Variants in NPC1 observed in about 807,000 individuals in gnomAD.
NPC1 encodes NPC intracellular cholesterol transporter 1, also known as Niemann-Pick C1 protein.
Under a neutral mutation model 140.4 loss-of-function variants are expected in NPC1, and 85 were observed. The observed-to-expected ratio is 0.61, with a 90% CI of 0.51 to 0.72. The LOEUF (loss-of-function observed/expected upper bound fraction) is 0.72. NPC1 is among the 30% of genes least tolerant of loss of function. NPC1 has a pLI of 0.00. For synonymous variants in NPC1, 656 were observed against 624.8 expected (o/e 1.05, Z -0.74); for missense variants, 1,504 against 1,623.8 (o/e 0.93, Z 1.27).
intron 9 of NPC1, 86 bp from the exon 10 acceptor site, chr18:23,551,813 G>A (rs1301928567): frequency 8.8e-6 from 8 of 913,350 alleles, no homozygotes; most frequent in South Asian, 2.6e-5. Context: ...AACATTTGAT[G>A]AGGCTGGCTG....
At chr18:23,561,779 C>T (rs754206625) in intron 4 of NPC1, among the ~76,000 whole-genome samples, 3 of 152,144 alleles carry the variant, frequency 2.0e-5, no homozygotes, top group Non-Finnish European at 4.4e-5. Context: ...GAAAGGCACA[C>T]GTTATCTCAT....
intron 10 of NPC1, among the ~76,000 whole-genome samples, chr18:23,550,662 A>AT (rs1286709256): frequency 3.3e-5 from 5 of 151,264 alleles, no homozygotes; most frequent in East Asian, 3.9e-4. Flanking sequence ...TTTAAAGAAT[A>AT]TTTTTAGCAG....
chr18:23,544,944 C>CCT lies in NPC1; in HGVS notation c.1947+15_1947+16insAG. The stretch of plus-strand genomic sequence containing the variant: ...CTGTTAACCTCTAGAACATACACCA[C>CCT]CCCCCCCCGGCTTACCAGAAGCCTG... On this transcript the variant is annotated intron_variant, in intron 12 of 24. Coordinates refer to ENST00000269228, the MANE Select transcript of NPC1 (RefSeq NM_000271.5). The CCT allele has an allele frequency of 3.5e-6, 3 of 850,772 alleles. No individual in the cohort carries two copies. In the South Asian group the frequency reaches 4.7e-5, roughly 13 times the overall value. The allele number at this position is 850,772 out of a possible 1,614,324, so 52.7% of individuals were successfully genotyped here.
intron 20 of NPC1, among the ~76,000 whole-genome samples, chr18:23,537,905 A>G (rs550789586): frequency 2.0e-5 from 3 of 152,206 alleles, no homozygotes; most frequent in Non-Finnish European, 4.4e-5. Flanking sequence ...GTATGTTCTT[A>G]TGAAAAACCT....
chr18:23,557,406 A>G (rs1422390510), intron 6 of NPC1, among the ~76,000 whole-genome samples: 3 of 152,220 alleles, frequency 2.0e-5, no homozygotes, highest in African/African-American at 7.2e-5. Context: ...ACAATTAATA[A>G]AGGATAATTT....
chr18:23,526,843 C>G, downstream of NPC1: 7 of 1,545,312 alleles, frequency 4.5e-6, no homozygotes, highest in Non-Finnish European at 8.8e-7. Flanking sequence ...GGGATGTGGG[C>G]TACATTGTTG....
In NPC1 at chr18:23,555,950, T is replaced by C. The variant is rs114021368; in HGVS notation, c.1326+293A>G. 3.2e-3 allele frequency among the ~76,000 whole-genome samples: 486 copies of C among 152,318 alleles called. 4 individuals are homozygous for C. Among genetic ancestry groups the C allele is most frequent in the African/African-American group, 0.011 (467 of 41,572 alleles). On this transcript the variant is annotated intron_variant, in intron 8 of 24. Transcript: ENST00000269228. ...TCCTAATAAATATATCCTGCCTCAA[T>C]AGAGAAACGCCACTGAAGTCTTCTT... is the stretch of plus-strand genomic sequence containing the variant.
intron 1 of NPC1, among the ~76,000 whole-genome samples, chr18:23,577,748 C>A (rs1186370693): frequency 6.6e-6 from 1 of 152,188 alleles, no homozygotes; most frequent in South Asian, 2.1e-4. Flanking sequence ...TCTGGCATGG[C>A]GGGCTGCAGG....
chr18:23,541,607 G>A (rs2058715050), intron 14 of NPC1, among the ~76,000 whole-genome samples, 174 bp from the exon 15 acceptor site: 3 of 152,218 alleles, frequency 2.0e-5, no homozygotes. Context: ...ATAAGCCAGT[G>A]CTTTTCAAAG....
intron 3 of NPC1, among the ~76,000 whole-genome samples, chr18:23,511,705 C>T (rs1643443592): frequency 7.1e-6 from 1 of 140,764 alleles, no homozygotes; most frequent in Admixed American, 7.1e-5. Context: ...ATATTTTATT[C>T]TGACTGGGTA....
downstream of NPC1, chr18:23,527,940 C>A (rs766090870): frequency 8.2e-6 from 12 of 1,462,906 alleles, no homozygotes; most frequent in Non-Finnish European, 1.1e-5. Context: ...CCTCCTCCCC[C>A]ACCCCCTCCC....
At chr18:23,547,677 G>A (rs1285064677) in intron 11 of NPC1, among the ~76,000 whole-genome samples, 1 of 152,184 alleles carries the variant, frequency 6.6e-6, no homozygotes, top group Non-Finnish European at 1.5e-5. Context: ...AGGAGGTTGA[G>A]GCTGCAGTGA....
downstream of NPC1, chr18:23,526,901 A>G: frequency 1.1e-5 from 13 of 1,185,828 alleles, no homozygotes; most frequent in Non-Finnish European, 1.5e-5. Flanking sequence ...AGGGGTGGCT[A>G]TGTGACCCCC....
At position 23,533,384 on chromosome 18, in the gene NPC1, A is replaced by G; in HGVS notation, c.3725T>C (p.Ile1242Thr). ...MVLLGATHGLIFLPVLLSYIG... is the reference protein window; with the variant it reads ...MVLLGATHGLTFLPVLLSYIG... ...GTAACTGAGTAAGACAGGGAGAAATATTAATCCGTGAGTGGCTCCCAGTAA... is the reference window on the plus strand; with the variant it reads ...GTAACTGAGTAAGACAGGGAGAAATGTTAATCCGTGAGTGGCTCCCAGTAA... The change falls in exon 24 of 25, where the codon ATA becomes ACA. Residue 1242 changes from isoleucine (I) to threonine (T), a missense_variant. By Grantham distance (89) the Ile-to-Thr change is moderately conservative (BLOSUM62 -1). Transcript: ENST00000269228. The G allele has an allele frequency of 6.2e-7, 1 of 1,614,154 alleles. No homozygotes were observed. The highest frequency in any genetic ancestry group is 8.5e-7 in the Non-Finnish European group (1 of 1,179,974).
At chr18:23,538,421 G>T in intron 20 of NPC1, 121 bp downstream of exon 20, 1 of 1,242,378 alleles carries the variant, frequency 8.0e-7, no homozygotes, top group Non-Finnish European at 1.2e-6. Flanking sequence ...CAAAGGACCA[G>T]GACAGGGTGG....
intron 23 of NPC1, chr18:23,533,991 T>G (rs968465601): frequency 2.8e-5 from 9 of 318,062 alleles, no homozygotes; most frequent in African/African-American, 6.4e-5. Context: ...CTTTATATTC[T>G]CAGGTGAAAA....
chr18:23,523,656 G>C (rs1370164159), intron 1 of NPC1, among the ~76,000 whole-genome samples: 2 of 151,256 alleles, frequency 1.3e-5, no homozygotes, highest in African/African-American at 4.9e-5. Flanking sequence ...CAAGGAGTTC[G>C]TGGTTATAGT....
intron 3 of NPC1, among the ~76,000 whole-genome samples, chr18:23,514,402 C>A (rs1199563150): frequency 6.6e-6 from 1 of 152,060 alleles, no homozygotes; most frequent in Non-Finnish European, 1.5e-5. Flanking sequence ...AATAAAAATA[C>A]AAAAATTAGC....
At chr18:23,547,745 TAAATG>T (rs1362092086) in intron 11 of NPC1, among the ~76,000 whole-genome samples, 2 of 152,096 alleles carry the variant, frequency 1.3e-5, no homozygotes, top group East Asian at 1.9e-4. Context: ...TCTCAAAAAA[TAAATG>T]AAATAAGTAA....
Sources: allele counts gnomAD v4.1 joint callset (sites outside exome capture counted in the v4.1 genomes callset), GRCh38; gene constraint gnomAD v4.1.1; transcripts MANE v1.5; gene names NCBI Gene and HGNC (gene_info 2026-07-23, HGNC 2026-07-21).